Variants in FGGY observed in about 807,000 individuals in gnomAD.
The protein encoded by FGGY is FGGY carbohydrate kinase domain-containing protein.
A neutral mutation model predicts 71.3 loss-of-function variants in FGGY; 72 were observed. The ratio of observed to expected loss-of-function variants is 1.01; its 90% confidence interval spans 0.84 to 1.23. FGGY has a LOEUF of 1.23. Ranked by LOEUF, FGGY falls within the 50% of genes most tolerant of loss-of-function variation. The pLI is 0.00. For synonymous variants in FGGY, 251 were observed against 250.3 expected (o/e 1.00, Z -0.02); for missense variants, 668 against 682.3 (o/e 0.98, Z 0.23).
At chr1:59,648,649 G>A (rs1355200394) in intron 11 of FGGY, among the ~76,000 whole-genome samples, 2 of 148,652 alleles carry the variant, frequency 1.3e-5, no homozygotes, top group Non-Finnish European at 3.0e-5. Flanking sequence ...CTGGATATTA[G>A]CCCTTTGTCA....
intron 5 of FGGY, among the ~76,000 whole-genome samples, chr1:59,443,306 T>A (rs1053112614): frequency 1.3e-5 from 2 of 152,210 alleles, no homozygotes; most frequent in Admixed American, 1.3e-4. Flanking sequence ...CAAAAAGAAT[T>A]GAAATGCACT....
At chr1:59,678,345 C>T (rs2097457028) in intron 14 of FGGY, among the ~76,000 whole-genome samples, 1 of 152,116 alleles carries the variant, frequency 6.6e-6, no homozygotes, top group South Asian at 2.1e-4. Context: ...AAATGATCCT[C>T]TGTAATTCTG....
chr1:59,521,337 C>T (rs920825716), intron 7 of FGGY, among the ~76,000 whole-genome samples: 5 of 152,246 alleles, frequency 3.3e-5, no homozygotes, highest in African/African-American at 9.6e-5. Flanking sequence ...TTCCTGTTCC[C>T]AGGCTCCAAG....
chr1:59,561,434 A>G (rs968705603), intron 8 of FGGY, among the ~76,000 whole-genome samples: 5 of 152,200 alleles, frequency 3.3e-5, no homozygotes, highest in African/African-American at 9.7e-5. Flanking sequence ...TCAGTGGACA[A>G]TGAGAGACAG....
chr1:59,419,926 G>T (rs948995822), intron 5 of FGGY, among the ~76,000 whole-genome samples: 3 of 152,220 alleles, frequency 2.0e-5, no homozygotes, highest in African/African-American at 4.8e-5. Flanking sequence ...CTGCTAAGCT[G>T]TTGATAAGTT....
intron 7 of FGGY, among the ~76,000 whole-genome samples, chr1:59,553,025 G>A (rs551511270): frequency 3.9e-5 from 6 of 152,184 alleles, no homozygotes; most frequent in Admixed American, 6.5e-5. Context: ...TGTCCTAGAG[G>A]GTCAGGGAAG....
At chr1:59,298,129 A>G (rs2042238123) in intron 1 of FGGY, among the ~76,000 whole-genome samples, 1 of 151,978 alleles carries the variant, frequency 6.6e-6, no homozygotes, top group African/African-American at 2.4e-5. Context: ...TTTTTTTTCT[A>G]TGATCCACCA....
intron 8 of FGGY, among the ~76,000 whole-genome samples, chr1:59,570,539 T>C (rs1310524289): frequency 6.6e-6 from 1 of 152,156 alleles, no homozygotes; most frequent in African/African-American, 2.4e-5. Flanking sequence ...CCTGGTAGAA[T>C]CTGCCAACAA....
At chr1:59,572,356 T>C (rs1168109341) in intron 8 of FGGY, among the ~76,000 whole-genome samples, 3 of 151,630 alleles carry the variant, frequency 2.0e-5, no homozygotes, top group East Asian at 3.9e-4. Context: ...CAGAAGGAAA[T>C]TGGCAGCTTT....
At chr1:59,482,222 A>G in intron 6 of FGGY, among the ~76,000 whole-genome samples, 1 of 152,108 alleles carries the variant, frequency 6.6e-6, no homozygotes, top group Non-Finnish European at 1.5e-5. Flanking sequence ...GTTTACCAAG[A>G]TCCTTTTATC....
chr1:59,615,746 A>G (rs1193249982), intron 9 of FGGY, among the ~76,000 whole-genome samples: 1 of 152,228 alleles, frequency 6.6e-6, no homozygotes, highest in South Asian at 2.1e-4. Flanking sequence ...CAATCTACTC[A>G]TCTGACAAAG....
At chr1:59,451,584 G>A (rs991708059) in intron 5 of FGGY, among the ~76,000 whole-genome samples, 1 of 151,818 alleles carries the variant, frequency 6.6e-6, no homozygotes, top group Non-Finnish European at 1.5e-5. Context: ...AGTGAGAAAG[G>A]GTCTCAGTGT....
rs548215488 is a variant in FGGY, at chr1:59,433,115, C to T, written c.555-23846C>T. ...GACATTGAAATCAGGGTTTCTTAAC[C>T]TTGGCACCATTGACATTTTGGGCCA... On this transcript the variant is annotated intron_variant, in intron 5 of 15. Coordinates refer to ENST00000303721, the MANE Select transcript of FGGY (RefSeq NM_018291.5). Among the ~76,000 whole-genome samples the T allele has an allele frequency of 9.8e-5, 15 of 152,308 alleles. No homozygotes were observed. The South Asian group carries it at 2.1e-3, about 21-fold the overall frequency.
At chr1:59,436,399 C>A (rs978698077) in intron 5 of FGGY, among the ~76,000 whole-genome samples, 1 of 152,140 alleles carries the variant, frequency 6.6e-6, no homozygotes, top group Non-Finnish European at 1.5e-5. Context: ...CCTCAAGTGC[C>A]CCTCATTGCA....
intron 8 of FGGY, among the ~76,000 whole-genome samples, chr1:59,557,725 GAA>G (rs2095712956): frequency 6.6e-6 from 1 of 152,180 alleles, no homozygotes; most frequent in African/African-American, 2.4e-5. Context: ...GCCAGAGGTT[GAA>G]AAGTCATGGG....
chr1:59,587,548 A>G (rs2096327523), intron 8 of FGGY, among the ~76,000 whole-genome samples: 2 of 152,168 alleles, frequency 1.3e-5, no homozygotes, highest in African/African-American at 2.4e-5. Context: ...GGCACCCCCC[A>G]GTAGGGGCAG....
chr1:59,370,415 C>A (rs2153274678), intron 4 of FGGY, among the ~76,000 whole-genome samples: 1 of 152,162 alleles, frequency 6.6e-6, no homozygotes, highest in East Asian at 1.9e-4. Context: ...GTGGAAAGAC[C>A]AAATCTACGT....
chr1:59,575,024 G>A (rs1007815864), intron 8 of FGGY, among the ~76,000 whole-genome samples: 5 of 151,924 alleles, frequency 3.3e-5, no homozygotes, highest in African/African-American at 4.8e-5. Flanking sequence ...TATTTATGGG[G>A]TTCAATGTGA....
chr1:59,381,751 T>C (rs1480839997), intron 5 of FGGY, among the ~76,000 whole-genome samples: 1 of 152,092 alleles, frequency 6.6e-6, no homozygotes, highest in Admixed American at 6.6e-5. Context: ...TATGTACTTG[T>C]TTGCTTTTTA....
Sources: allele counts gnomAD v4.1 joint callset (sites outside exome capture counted in the v4.1 genomes callset), GRCh38; gene constraint gnomAD v4.1.1; transcripts MANE v1.5; gene names NCBI Gene and HGNC (gene_info 2026-07-23, HGNC 2026-07-21).